The following AFDN variants were observed in gnomAD, a reference collection of about 807,000 sequenced individuals.
AFDN encodes the protein afadin, adherens junction formation factor.
Under a neutral mutation model 216.6 loss-of-function variants are expected in AFDN, and 68 were observed. The observed-to-expected ratio is 0.31, with a 90% CI of 0.26 to 0.38. AFDN has a LOEUF of 0.38. AFDN is among the 10% of genes least tolerant of loss of function. The pLI, the probability that AFDN is intolerant of heterozygous loss-of-function variation, is 1.00. For missense variants in AFDN, 2,136 were observed against 2,342.0 expected, an observed-to-expected ratio of 0.91 and a Z score of 1.82; for synonymous variants, 868 against 853.7, an observed-to-expected ratio of 1.02 and a Z score of -0.29.
At position 167,943,946 on chromosome 6, in the gene AFDN, C is replaced by T; in HGVS notation, c.3245C>T (p.Ala1082Val). ...SLVGLSQERAAELMTRTSSVV... is the reference protein window; with the variant it reads ...SLVGLSQERAVELMTRTSSVV... The stretch of plus-strand genomic sequence containing the variant: ...GTGTAATCTTCTTCTCCTAGGGCGG[C>T]AGAACTCATGACAAGAACAAGCTCT... Residue 1082 changes from alanine (A) to valine (V), a missense_variant, in exon 26 of 34, where the codon GCA (alanine) becomes GTA (valine). Physicochemically the swap from Ala to Val is moderately conservative, Grantham distance 64. This residue lies in a region of AFDN where 74 missense variants were observed against 98.8 expected (regional missense o/e 0.75). Transcript: ENST00000683244. 6.2e-7 allele frequency: 1 copy of T among 1,614,028 alleles called. No homozygotes were observed. The highest frequency in any genetic ancestry group is 8.5e-7 in the Non-Finnish European group (1 of 1,179,930).
intron 11 of AFDN, among the ~76,000 whole-genome samples, chr6:167,901,600 A>G (rs1788960961): frequency 6.6e-6 from 1 of 152,196 alleles, no homozygotes; most frequent in African/African-American, 2.4e-5. Context: ...TGTGCTTTAC[A>G]AAAATAATCA....
At position 167,864,531 on chromosome 6, in the gene AFDN, A is replaced by G; in HGVS notation, c.106-20A>G. ...TCAGAATGTTGTTTTCCAAAAATGT[A>G]CCATTTTGTTTTCTTTTAGGATTTG... On this transcript the variant is annotated intron_variant, in intron 1 of 33. Coordinates refer to ENST00000683244, the MANE Select transcript of AFDN (RefSeq NM_001386888.1). 6.3e-7 allele frequency: 1 copy of G among 1,593,820 alleles called. No individual in the cohort carries two copies. Among genetic ancestry groups the G allele is most frequent in the Non-Finnish European group, 8.6e-7 (1 of 1,165,118 alleles).
chr6:167,966,300 T>C (rs1024395327), intron 32 of AFDN: 3 of 1,461,280 alleles, frequency 2.1e-6, no homozygotes, highest in Admixed American at 2.1e-5. Flanking sequence ...AAATCAGCTC[T>C]CTTTGTCTTA....
intron 31 of AFDN, chr6:167,964,485 T>A: frequency 7.5e-6 from 8 of 1,065,734 alleles, no homozygotes; most frequent in Non-Finnish European, 9.1e-6. Context: ...GAGTCTTTCC[T>A]TCAGGATTTC....
intron 8 of AFDN, among the ~76,000 whole-genome samples, 158 bp downstream of exon 8, chr6:167,891,187 CTT>C (rs2128340101): frequency 6.6e-6 from 1 of 152,168 alleles, no homozygotes; most frequent in South Asian, 2.1e-4. Flanking sequence ...ATTTATTTCT[CTT>C]AAATTATTAA....
intron 2 of AFDN, among the ~76,000 whole-genome samples, chr6:167,867,648 G>A (rs1424809341): frequency 1.3e-5 from 2 of 151,980 alleles, no homozygotes; most frequent in African/African-American, 4.8e-5. Flanking sequence ...GGCCAGACTG[G>A]TCTTGAACGC....
At chr6:167,906,736 C>T (rs534647109) in intron 12 of AFDN, among the ~76,000 whole-genome samples, 11 of 152,208 alleles carry the variant, frequency 7.2e-5, no homozygotes, top group African/African-American at 1.4e-4. Flanking sequence ...AGGTATTGAG[C>T]TATAAGGAGT....
intron 5 of AFDN, 70 bp from the exon 6 acceptor site, chr6:167,880,290 G>A (rs1391004871): frequency 2.1e-6 from 3 of 1,445,680 alleles, no homozygotes; most frequent in South Asian, 2.5e-5. Flanking sequence ...TCAAGTGACT[G>A]TAAATGTTAG....
intron 32 of AFDN, chr6:167,966,414 C>G: frequency 9.6e-6 from 6 of 628,062 alleles, no homozygotes; most frequent in Non-Finnish European, 1.4e-5. Context: ...CTGGTCTCGG[C>G]ATGGTGATCC....
rs1294772704 is a variant in AFDN at position 167,844,864 on chromosome 6, T to G, written c.105+17627T>G. The stretch of plus-strand genomic sequence containing the variant: ...CTTTTCTTTTCTTTTTTTTTTTTTT[T>G]TTTTTTGGTTTTTGAGACAGGGTCT... On this transcript the variant is annotated intron_variant, in intron 1 of 33. Coordinates refer to ENST00000683244, the MANE Select transcript of AFDN (RefSeq NM_001386888.1). 2.8e-4 allele frequency among the ~76,000 whole-genome samples: 40 copies of G among 143,142 alleles called. 1 individual carries two copies. The highest frequency in any genetic ancestry group is 6.9e-4 in the Admixed American group (10 of 14,596). The allele number at this position is 143,142 out of a possible 152,430, so 93.9% of individuals were successfully genotyped here.
At chr6:167,893,949 T>TAG (rs1393589322) in intron 9 of AFDN, 43 bp downstream of exon 9, 1 of 1,411,944 alleles carries the variant, frequency 7.1e-7, no homozygotes, top group South Asian at 1.2e-5. Context: ...AAAGCACTAA[T>TAG]AGAACCTCAT....
At chr6:167,826,711 A>G, upstream of AFDN, 1 of 434,026 alleles carries the variant, frequency 2.3e-6, no homozygotes, top group Admixed American at 2.6e-5. Flanking sequence ...CACCACCGCC[A>G]GTCCAGACGG....
At chr6:167,894,945 A>C (rs1483232027) in intron 9 of AFDN, among the ~76,000 whole-genome samples, 2 of 152,170 alleles carry the variant, frequency 1.3e-5, no homozygotes, top group South Asian at 4.1e-4. Flanking sequence ...TGTTTCACAC[A>C]TGATTACTTA....
intron 1 of AFDN, among the ~76,000 whole-genome samples, chr6:167,838,768 C>T (rs994738311): frequency 3.3e-5 from 5 of 152,038 alleles, no homozygotes; most frequent in Admixed American, 2.0e-4. Context: ...TGGCGAGTAA[C>T]CCTGGAGGAG....
chr6:167,864,347 G>A lies in AFDN; in HGVS notation c.106-204G>A, dbSNP rs183142026. 7.4e-5 allele frequency: 56 copies of A among 752,704 alleles called. No individual in the cohort carries two copies. In the African/African-American group the frequency reaches 8.5e-4, roughly 11 times the overall value. 46.6% of individuals were successfully genotyped at this position (752,704 alleles called of 1,614,324 possible). The stretch of plus-strand genomic sequence containing the variant: ...CCATTATTTCATACGTGACACAGGT[G>A]AGGCAAAGAGAAATTGTTAGTAACT... On this transcript the variant is annotated intron_variant, in intron 1 of 33. Transcript: ENST00000683244.
intron 16 of AFDN, 87 bp downstream of exon 16, chr6:167,913,510 G>C: frequency 7.9e-7 from 1 of 1,273,884 alleles, no homozygotes; most frequent in Non-Finnish European, 1.1e-6. Context: ...TAATACAACA[G>C]CTGGACTGAA....
chr6:167,826,890 G>GGGT (rs1470365944), upstream of AFDN: 7 of 140,516 alleles, frequency 5.0e-5, no homozygotes, highest in African/African-American at 1.0e-4. Context: ...GGGTGCGGGC[G>GGGT]GCGGGCGGCG....
chr6:167,957,058 T>A (rs1256999334), intron 30 of AFDN, among the ~76,000 whole-genome samples: 1 of 152,138 alleles, frequency 6.6e-6, no homozygotes, highest in Non-Finnish European at 1.5e-5. Context: ...CCTGCCTGCC[T>A]GCCTTCTAGT....
intron 21 of AFDN, among the ~76,000 whole-genome samples, chr6:167,919,681 A>G (rs1298778372): frequency 1.3e-5 from 2 of 152,238 alleles, no homozygotes; most frequent in African/African-American, 4.8e-5. Context: ...TTATTATGTC[A>G]CTTTTACTAC....
Sources: allele counts gnomAD v4.1 joint callset (sites outside exome capture counted in the v4.1 genomes callset), GRCh38; gene constraint gnomAD v4.1.1; regional missense constraint gnomAD v4.1.1; transcripts MANE v1.5; gene names NCBI Gene and HGNC (gene_info 2026-07-23, HGNC 2026-07-21).